Variants in C6 observed in about 807,000 individuals in gnomAD.
C6 encodes the protein complement C6.
In C6, 101 loss-of-function variants were observed where a neutral mutation model predicts 112.9. The ratio of observed to expected loss-of-function variants is 0.89; its 90% CI spans 0.76 to 1.06. The LOEUF (loss-of-function observed/expected upper bound fraction) is 1.06. Among genes scored for constraint, C6 ranks in the 50% least tolerant of loss-of-function variants. The pLI, the probability that C6 is intolerant of heterozygous loss-of-function variation, is 0.00. For missense variants in C6, 1,202 were observed against 1,104.6 expected (o/e 1.09, Z -1.25); for synonymous variants, 431 against 384.1 (o/e 1.12, Z -1.43).
chr5:41,250,485 C>A (rs1488128701), intron 1 of C6, among the ~76,000 whole-genome samples: 1 of 152,184 alleles, frequency 6.6e-6, no homozygotes, highest in East Asian at 1.9e-4. Context: ...GTTATTGTCT[C>A]TATCTTCTCT....
intron 8 of C6, among the ~76,000 whole-genome samples, chr5:41,173,714 C>G (rs1464098757): frequency 6.6e-6 from 1 of 152,016 alleles, no homozygotes; most frequent in Non-Finnish European, 1.5e-5. Flanking sequence ...AAATGGAAAT[C>G]TGAAGGCATA....
rs575930116 is a variant in C6 at position 41,163,016 on chromosome 5, G to C, written c.1292-1157C>G. 4.6e-5 allele frequency among the ~76,000 whole-genome samples: 7 copies of C among 152,262 alleles called. No individual in the cohort carries two copies. The South Asian group carries it at 1.2e-3, about 27-fold the overall frequency. ...TTCATAAATGGATTGACACTGGTAAGGGTTATCTGTGAGGGGCATGGGATC... is the reference window on the plus strand; with the variant it reads ...TTCATAAATGGATTGACACTGGTAACGGTTATCTGTGAGGGGCATGGGATC... On this transcript the variant is annotated intron_variant, in intron 9 of 17. Transcript: ENST00000337836.
chr5:41,155,095 G>T lies in C6; in HGVS notation c.1978C>A (p.Gln660Lys). The T allele has an allele frequency of 6.2e-7, 1 of 1,613,262 alleles. No homozygotes were observed. The highest frequency in any genetic ancestry group is 1.1e-5 in the South Asian group (1 of 91,068). Residue 660 changes from glutamine to lysine, a missense_variant, in exon 14 of 18, where the codon CAA (glutamine) becomes AAA (lysine). Coordinates refer to ENST00000337836, the MANE Select transcript of C6 (RefSeq NM_000065.5). ...PENGFIRNEK[Q>K]LYLVGEDVEI... The stretch of plus-strand genomic sequence containing the variant: ...ACATCTTCTCCAACCAAGTATAGTT[G>T]CTTTTCATTCTTAATTAAAGCAGAA...
At chr5:41,183,556 G>A (rs1749525387) in intron 6 of C6, among the ~76,000 whole-genome samples, 1 of 152,182 alleles carries the variant, frequency 6.6e-6, no homozygotes, top group African/African-American at 2.4e-5. Context: ...TTCAGCCACT[G>A]TGGAAAGCAG....
chr5:41,200,899 T>TG (rs1561162260), intron 3 of C6, among the ~76,000 whole-genome samples: 4 of 142,696 alleles, frequency 2.8e-5, no homozygotes, highest in Non-Finnish European at 6.1e-5. Flanking sequence ...TTGTTTTTTT[T>TG]TTTTTTTTTT....
intron 14 of C6, 106 bp downstream of exon 14, chr5:41,154,865 TA>T (rs1224703559): frequency 2.6e-6 from 3 of 1,173,870 alleles, no homozygotes; most frequent in South Asian, 1.3e-5. Context: ...CCAGAGTTAC[TA>T]AAAACTAGTA....
At chr5:41,180,444 G>A (rs1465362640) in intron 7 of C6, among the ~76,000 whole-genome samples, 2 of 152,054 alleles carry the variant, frequency 1.3e-5, no homozygotes, top group African/African-American at 4.8e-5. Flanking sequence ...TTTAAACACT[G>A]TGAGACATAT....
At chr5:41,210,729 G>C (rs1418846232) in intron 1 of C6, among the ~76,000 whole-genome samples, 4 of 152,110 alleles carry the variant, frequency 2.6e-5, no homozygotes, top group African/African-American at 7.2e-5. Context: ...ATTAAAAAGT[G>C]AGGAAACAAC....
At chr5:41,155,873 T>C in intron 13 of C6, among the ~76,000 whole-genome samples, 1 of 152,190 alleles carries the variant, frequency 6.6e-6, no homozygotes, top group East Asian at 1.9e-4. Context: ...ATAAACTGAA[T>C]AAATAATATA....
intron 9 of C6, among the ~76,000 whole-genome samples, chr5:41,162,164 T>C (rs996925808): frequency 3.9e-5 from 6 of 152,192 alleles, no homozygotes. Context: ...TTATAAACAT[T>C]GAAGCCGAAA....
chr5:41,192,911 C>T (rs1477801718), intron 5 of C6, among the ~76,000 whole-genome samples: 1 of 152,084 alleles, frequency 6.6e-6, no homozygotes, highest in Non-Finnish European at 1.5e-5. Context: ...CTAATATGTA[C>T]AAAGGTTTTA....
intron 4 of C6, among the ~76,000 whole-genome samples, chr5:41,197,930 G>A (rs555245958): frequency 7.9e-5 from 12 of 152,264 alleles, no homozygotes; most frequent in African/African-American, 2.9e-4. Context: ...GCACATGCAT[G>A]TATACATTTA....
rs138995474 is a variant in C6 at position 41,226,858 on chromosome 5, C to T, written c.-20-23608G>A. Among the ~76,000 whole-genome samples the T allele has an allele frequency of 2.5e-3, 386 of 152,114 alleles. 3 individuals carry two copies. The highest frequency in any genetic ancestry group is 8.1e-3 in the African/African-American group (336 of 41,522). ...ACATTTTCTTTATCCATTCATCTGTCGATGGACACTTAGGTTGATTCCATA... is the reference window on the plus strand; with the variant it reads ...ACATTTTCTTTATCCATTCATCTGTTGATGGACACTTAGGTTGATTCCATA... On this transcript the variant is annotated intron_variant, in intron 1 of 17. Transcript: ENST00000263413.
At chr5:41,218,234 T>G (rs527401813), upstream of C6, among the ~76,000 whole-genome samples, 230 of 152,238 alleles carry the variant, frequency 1.5e-3, no homozygotes, top group Non-Finnish European at 2.1e-3. Flanking sequence ...TTCACAGAAA[T>G]CGTAACTTCC....
At chr5:41,211,337 T>C (rs556918174) in intron 1 of C6, among the ~76,000 whole-genome samples, 2 of 139,838 alleles carry the variant, frequency 1.4e-5, no homozygotes, top group Admixed American at 7.3e-5. Flanking sequence ...TGTATACATA[T>C]GTAACAAACC....
intron 5 of C6, among the ~76,000 whole-genome samples, chr5:41,192,665 G>T (rs963811631): frequency 6.6e-6 from 1 of 151,866 alleles, no homozygotes; most frequent in Non-Finnish European, 1.5e-5. Context: ...TTGGCATATT[G>T]CTGTTTATAA....
At chr5:41,192,218 C>G (rs1750270546) in intron 5 of C6, among the ~76,000 whole-genome samples, 1 of 152,120 alleles carries the variant, frequency 6.6e-6, no homozygotes, top group African/African-American at 2.4e-5. Context: ...TTTGAACCAT[C>G]CTTGCATCTC....
chr5:41,196,285 G>T (rs1310622536), intron 4 of C6, among the ~76,000 whole-genome samples: 2 of 151,702 alleles, frequency 1.3e-5, no homozygotes, highest in African/African-American at 4.8e-5. Flanking sequence ...GAGACTCAAG[G>T]TCACTGTTTT....
intron 17 of C6, among the ~76,000 whole-genome samples, chr5:41,144,558 T>A (rs1056990930): frequency 6.6e-6 from 1 of 152,208 alleles, no homozygotes; most frequent in Non-Finnish European, 1.5e-5. Flanking sequence ...TGGACCACAA[T>A]GTCTGACCAG....
Sources: gnomAD v4.1 joint callset for allele counts (sites outside exome capture counted in the v4.1 genomes callset) on GRCh38, gnomAD v4.1.1 for gene constraint, MANE v1.5 for transcripts, NCBI Gene and HGNC (gene_info 2026-07-23, HGNC 2026-07-21) for gene names.